The following RPIA variants were observed in gnomAD, a reference collection of about 807,000 sequenced individuals.
RPIA encodes ribose 5-phosphate isomerase A.
A neutral mutation model predicts 37.8 loss-of-function variants in RPIA; 29 were observed. The observed-to-expected ratio is 0.77, with a 90% CI of 0.57 to 1.05. The LOEUF (loss-of-function observed/expected upper bound fraction) is 1.05. RPIA is among the 50% of genes least tolerant of loss of function. The pLI is 0.00. For missense variants in RPIA, 385 were observed against 413.6 expected (o/e 0.93, Z 0.60); for synonymous variants, 167 against 157.0 (o/e 1.06, Z -0.48).
chr2:88,694,993 AAAG>A (rs1193518120), intron 1 of RPIA, among the ~76,000 whole-genome samples: 4 of 150,378 alleles, frequency 2.7e-5, no homozygotes, highest in African/African-American at 9.9e-5. Context: ...AAAAAAAAAA[AAAG>A]AAAAAGAAAA....
intron 3 of RPIA, among the ~76,000 whole-genome samples, chr2:88,720,783 C>T (rs1673110958): frequency 6.6e-6 from 1 of 151,976 alleles, no homozygotes; most frequent in Admixed American, 6.6e-5. Flanking sequence ...TAAATTAGTT[C>T]AACCATTGTG....
chr2:88,729,413 C>T, intron 4 of RPIA, 76 bp downstream of exon 4: 1 of 1,349,104 alleles, frequency 7.4e-7, no homozygotes, highest in Non-Finnish European at 1.1e-6. Flanking sequence ...TTCATGGGCT[C>T]CAGATATCTT....
At chr2:88,703,532 A>G (rs1672860481) in intron 3 of RPIA, among the ~76,000 whole-genome samples, 1 of 152,350 alleles carries the variant, frequency 6.6e-6, no homozygotes, top group South Asian at 2.1e-4. Flanking sequence ...CCCGAGCTCT[A>G]CATTGGCCCC....
In RPIA at chr2:88,691,773, G is replaced by A. The variant is rs1676936248; in HGVS notation, c.75G>A (p.Ala25=). Residue 25 remains alanine, a synonymous_variant, in exon 1 of 9, where the codon GCG becomes GCA. Transcript: ENST00000283646. ...CGCTGCCCGGGAGGGCCGGGGGCGC[G>A]GCCTCCGGCGGAGGAGGGAACAGCT... is the stretch of plus-strand genomic sequence containing the variant. ...LAPLPGRAGG[A]ASGGGGNSWD... 6.3e-7 allele frequency: 1 copy of A among 1,591,568 alleles called. No homozygotes were observed.
chr2:88,725,968 C>T (rs13395597), intron 3 of RPIA, among the ~76,000 whole-genome samples: 9,253 of 152,206 alleles, frequency 0.061, 494 homozygotes, highest in African/African-American at 0.14. Context: ...TTTAACAAAC[C>T]GGCAGAATTC....
In RPIA at chr2:88,694,979, C is replaced by CAAAA. The variant is rs61633535; in HGVS notation, c.285+3009_285+3012dup. ...CAATCATACCTATTCAATAAAGTCTCAAAAAAAAAAAAAAAAGAAAAAGAA... is the reference window on the plus strand; with the variant it reads ...CAATCATACCTATTCAATAAAGTCTCAAAAAAAAAAAAAAAAAAAAGAAAAAGAA... On this transcript the variant is annotated intron_variant, in intron 1 of 8. Transcript: ENST00000283646. Among the ~76,000 whole-genome samples, 258 of 119,148 alleles carry CAAAA rather than the reference C, an allele frequency of 2.2e-3. 2 individuals carry two copies. Among genetic ancestry groups the CAAAA allele is most frequent in the African/African-American group, 6.3e-3 (216 of 34,550 alleles). 78.2% of individuals were successfully genotyped at this position (119,148 alleles called of 152,430 possible). A position where few individuals can be genotyped will look rare whatever the true frequency, so the allele number is the denominator to read the frequency against.
In RPIA at chr2:88,735,685, GAGA is replaced by G; in HGVS notation, c.548_550del (p.Lys183del). ...TTCCTGCAGAGGCTGCCTGACCCAG[GAGA>G]AGATTGTGGCTGGCTATGCTAGTCG... On this transcript the variant is annotated inframe_deletion, in exon 6 of 9. Transcript: ENST00000283646. 6.2e-7 allele frequency: 1 copy of G among 1,614,114 alleles called. No individual in the cohort carries two copies. Among genetic ancestry groups the G allele is most frequent in the South Asian group, 1.1e-5 (1 of 91,062 alleles).
At chr2:88,742,411 C>T (rs1321989591) in intron 8 of RPIA, among the ~76,000 whole-genome samples, 1 of 152,210 alleles carries the variant, frequency 6.6e-6, no homozygotes, top group East Asian at 1.9e-4. Context: ...GGTCTATATG[C>T]CTGTTTTTAT....
intron 1 of RPIA, among the ~76,000 whole-genome samples, chr2:88,692,297 C>CT (rs1676947385): frequency 6.6e-6 from 1 of 152,202 alleles, no homozygotes; most frequent in Non-Finnish European, 1.5e-5. Flanking sequence ...AGGCACTTGC[C>CT]TTGTGGCCTC....
chr2:88,700,112 C>T (rs748770883), intron 3 of RPIA, 48 bp downstream of exon 3: 3 of 1,591,052 alleles, frequency 1.9e-6, no homozygotes, highest in East Asian at 2.2e-5. Flanking sequence ...GCTGTATCTT[C>T]TGGTTCCCCG....
chr2:88,732,980 GA>G (rs1573475284), intron 4 of RPIA, among the ~76,000 whole-genome samples: 1 of 152,190 alleles, frequency 6.6e-6, no homozygotes, highest in East Asian at 1.9e-4. Context: ...CCATTTTATA[GA>G]TGTGAAAAAG....
At chr2:88,740,713 C>T (rs746832150) in intron 8 of RPIA, among the ~76,000 whole-genome samples, 3 of 152,146 alleles carry the variant, frequency 2.0e-5, no homozygotes, top group African/African-American at 4.8e-5. Context: ...TGGGGGAGGT[C>T]AGTCACACCC....
intron 1 of RPIA, among the ~76,000 whole-genome samples, chr2:88,696,322 T>C (rs559706693): frequency 3.3e-5 from 5 of 152,216 alleles, no homozygotes; most frequent in African/African-American, 1.2e-4. Flanking sequence ...GGTGAGATGA[T>C]CACTTGAGGC....
At chr2:88,737,747 G>A (rs1019573361) in intron 7 of RPIA, among the ~76,000 whole-genome samples, 9 of 150,790 alleles carry the variant, frequency 6.0e-5, no homozygotes, top group African/African-American at 2.4e-5. Context: ...TGATACATTT[G>A]TTAAGAGGCT....
In RPIA at chr2:88,750,724, G is replaced by A. The variant is rs949094382; in HGVS notation, c.*646G>A. On this transcript the variant is annotated 3_prime_UTR_variant, in exon 9 of 9. Transcript: ENST00000283646. Reference sequence around the variant, plus strand: ...CTGGGGGTTTCTTCATATTCCTGCTGTTGGAAGCAGTTGACCAGAAATGCT... The same window carrying A: ...CTGGGGGTTTCTTCATATTCCTGCTATTGGAAGCAGTTGACCAGAAATGCT... 2 of 398,894 alleles carry A rather than the reference G, an allele frequency of 5.0e-6. No individual in the cohort carries two copies. The highest frequency in any genetic ancestry group is 2.5e-4 in the South Asian group (2 of 7,868). The allele number at this position is 398,894 out of a possible 1,614,324, so 24.7% of individuals were successfully genotyped here.
At chr2:88,698,627 G>T in intron 2 of RPIA, 83 bp downstream of exon 2, 1 of 1,300,184 alleles carries the variant, frequency 7.7e-7, no homozygotes, top group South Asian at 1.2e-5. Context: ...GTGGCACACA[G>T]GTTTGGCATT....
intron 8 of RPIA, among the ~76,000 whole-genome samples, chr2:88,742,777 T>G (rs1427567323): frequency 2.0e-5 from 3 of 152,192 alleles, no homozygotes; most frequent in Middle Eastern, 3.2e-3. Flanking sequence ...TTGGGTATAC[T>G]CCTAAGTATT....
intron 3 of RPIA, among the ~76,000 whole-genome samples, chr2:88,707,185 A>T (rs1672908085): frequency 6.6e-6 from 1 of 152,166 alleles, no homozygotes; most frequent in African/African-American, 2.4e-5. Flanking sequence ...TAGTTGATTT[A>T]CCTTCTTAAC....
intron 8 of RPIA, among the ~76,000 whole-genome samples, chr2:88,748,141 G>A (rs1011143933): frequency 3.9e-5 from 6 of 152,196 alleles, no homozygotes; most frequent in Non-Finnish European, 8.8e-5. Flanking sequence ...AAATTGTGTG[G>A]CCTTTGAGAT....
Sources: allele counts gnomAD v4.1 joint callset (sites outside exome capture counted in the v4.1 genomes callset), GRCh38; gene constraint gnomAD v4.1.1; transcripts MANE v1.5; gene names NCBI Gene and HGNC (gene_info 2026-07-23, HGNC 2026-07-21).